Variants in ACOXL observed in about 807,000 individuals in gnomAD.
ACOXL encodes acyl-CoA oxidase like, also known as acyl-coenzyme A oxidase-like protein.
A neutral mutation model predicts 71.9 loss-of-function variants in ACOXL; 70 were observed. The observed-to-expected ratio is 0.97, with a 90% CI of 0.80 to 1.19. The LOEUF is 1.19. ACOXL is among the 50% of genes most tolerant of loss of function. The pLI is 0.00. For synonymous variants in ACOXL, 253 were observed against 281.6 expected (o/e 0.90, Z 1.02); for missense variants, 703 against 736.3 (o/e 0.95, Z 0.52).
rs190794937 is a variant in ACOXL, at chr2:111,077,046, A to G, written c.1441-15819A>G. 2.2e-4 allele frequency among the ~76,000 whole-genome samples: 33 copies of G among 152,318 alleles called. No individual in the cohort carries two copies. In the East Asian group the frequency reaches 6.2e-3, roughly 28 times the overall value. ...TTTTAAGAATCTTAACTACACCTGT[A>G]AAGGCCCTTTTCCCTTATAAAGTAA... On this transcript the variant is annotated intron_variant, in intron 16 of 17. Transcript: ENST00000439055.
chr2:110,795,209 G>C (rs1484059720), intron 5 of ACOXL, among the ~76,000 whole-genome samples: 1 of 152,162 alleles, frequency 6.6e-6, no homozygotes, highest in African/African-American at 2.4e-5. Flanking sequence ...TTTGTTAGCG[G>C]GGTTTCCTGA....
intron 10 of ACOXL, among the ~76,000 whole-genome samples, chr2:110,871,131 C>T (rs1307545273): frequency 3.3e-4 from 50 of 152,084 alleles, no homozygotes; most frequent in Admixed American, 3.1e-3. Context: ...CGAAACTTTA[C>T]GGGATGTCAT....
chr2:111,004,830 G>T (rs1426744755), intron 14 of ACOXL, among the ~76,000 whole-genome samples: 1 of 152,168 alleles, frequency 6.6e-6, no homozygotes, highest in African/African-American at 2.4e-5. Context: ...TGAGGGTCGG[G>T]ACAGAGAACG....
intron 2 of ACOXL, among the ~76,000 whole-genome samples, chr2:110,781,565 C>G (rs1160809112): frequency 6.6e-6 from 1 of 151,964 alleles, no homozygotes; most frequent in Non-Finnish European, 1.5e-5. Context: ...TCGCTTCACC[C>G]TGGGAGGTGG....
chr2:110,997,145 A>G (rs1428707831), intron 14 of ACOXL, among the ~76,000 whole-genome samples: 5 of 152,222 alleles, frequency 3.3e-5, no homozygotes, highest in Admixed American at 1.3e-4. Context: ...GAGAAAATGC[A>G]ATCTGTAAAC....
chr2:111,060,509 C>T (rs894475926), intron 16 of ACOXL, among the ~76,000 whole-genome samples: 1 of 152,148 alleles, frequency 6.6e-6, no homozygotes, highest in African/African-American at 2.4e-5. Context: ...GTATCACCCT[C>T]CCCTGATGGT....
intron 16 of ACOXL, among the ~76,000 whole-genome samples, chr2:111,072,024 G>A (rs1234596949): frequency 2.6e-5 from 4 of 152,310 alleles, no homozygotes; most frequent in South Asian, 4.1e-4. Flanking sequence ...ACTCAGGAAG[G>A]GAAGGAGTAA....
chr2:110,868,053 G>A (rs547477597), intron 10 of ACOXL, among the ~76,000 whole-genome samples: 25 of 152,280 alleles, frequency 1.6e-4, no homozygotes, highest in Admixed American at 1.2e-3. Context: ...AAGCCACCAC[G>A]CCCGGCCAAA....
At chr2:110,813,980 G>A (rs1286741531) in intron 9 of ACOXL, among the ~76,000 whole-genome samples, 1 of 152,154 alleles carries the variant, frequency 6.6e-6, no homozygotes, top group Non-Finnish European at 1.5e-5. Flanking sequence ...CAGCACTGGG[G>A]TCCGGCCGTT....
At chr2:110,883,977 G>T (rs1318272435) in intron 10 of ACOXL, among the ~76,000 whole-genome samples, 1 of 152,188 alleles carries the variant, frequency 6.6e-6, no homozygotes, top group Non-Finnish European at 1.5e-5. Flanking sequence ...GTACAACGTG[G>T]TGTTACAAAA....
chr2:110,755,666 T>C (rs913723931), intron 1 of ACOXL, among the ~76,000 whole-genome samples: 4 of 152,246 alleles, frequency 2.6e-5, no homozygotes, highest in African/African-American at 9.6e-5. Flanking sequence ...AATTTATTTA[T>C]GAATTTGTTA....
intron 3 of ACOXL, among the ~76,000 whole-genome samples, chr2:110,792,471 C>T (rs72832824): frequency 0.037 from 5,568 of 152,222 alleles, 130 homozygotes; most frequent in East Asian, 0.055. Context: ...TTCTCTTTGT[C>T]AGCAACACTT....
chr2:110,765,632 G>A (rs1011920711), intron 1 of ACOXL, among the ~76,000 whole-genome samples: 1 of 152,134 alleles, frequency 6.6e-6, no homozygotes, highest in Non-Finnish European at 1.5e-5. Flanking sequence ...CAGAAGATTT[G>A]GTGTCTGGTG....
chr2:110,771,123 CCT>C (rs1291786085), intron 2 of ACOXL, among the ~76,000 whole-genome samples: 3 of 152,108 alleles, frequency 2.0e-5, no homozygotes, highest in Non-Finnish European at 4.4e-5. Flanking sequence ...CTGTTTGGCA[CCT>C]CTCTCTGTAT....
intron 1 of ACOXL, among the ~76,000 whole-genome samples, chr2:110,743,657 G>GC (rs1164397930): frequency 1.3e-5 from 2 of 152,146 alleles, no homozygotes; most frequent in Non-Finnish European, 2.9e-5. Context: ...AAGGACCAAT[G>GC]CACCATTCAG....
At chr2:110,841,196 G>A (rs1316069871) in intron 9 of ACOXL, among the ~76,000 whole-genome samples, 175 bp from the exon 10 acceptor site, 1 of 152,134 alleles carries the variant, frequency 6.6e-6, no homozygotes, top group Non-Finnish European at 1.5e-5. Context: ...TTATCTGTAA[G>A]AGCTAAGTTG....
chr2:110,952,573 C>G (rs567567063), intron 12 of ACOXL, among the ~76,000 whole-genome samples: 1 of 152,152 alleles, frequency 6.6e-6, no homozygotes, highest in Admixed American at 6.5e-5. Flanking sequence ...TCCCAAGTAG[C>G]GTAGCTGGTA....
At chr2:110,745,499 G>A (rs1042601955) in intron 1 of ACOXL, among the ~76,000 whole-genome samples, 1 of 151,934 alleles carries the variant, frequency 6.6e-6, no homozygotes, top group Non-Finnish European at 1.5e-5. Flanking sequence ...GATGTAGCTC[G>A]GGGAAGGGAC....
intron 10 of ACOXL, among the ~76,000 whole-genome samples, chr2:110,846,641 G>GCGCACACACACACACACACA (rs148602789): frequency 9.3e-4 from 129 of 138,024 alleles, no homozygotes; most frequent in South Asian, 2.6e-3. Context: ...ATGCATACAC[G>GCGCACACACACACACACACA]CACACACACA....
Sources: gnomAD v4.1 joint callset for allele counts (sites outside exome capture counted in the v4.1 genomes callset) on GRCh38, gnomAD v4.1.1 for gene constraint, MANE v1.5 for transcripts, NCBI Gene and HGNC (gene_info 2026-07-23, HGNC 2026-07-21) for gene names.